Variants in DENND2B observed in about 807,000 individuals in gnomAD.
The protein encoded by DENND2B is DENN domain containing 2B.
Under a neutral mutation model 116.0 loss-of-function variants are expected in DENND2B, and 32 were observed. The observed-to-expected ratio is 0.28, with a 90% CI of 0.21 to 0.37. The LOEUF (loss-of-function observed/expected upper bound fraction) is 0.37, where lower values mean the gene tolerates loss of function less well. Among genes scored for constraint, DENND2B ranks in the 10% least tolerant of loss-of-function variants. The pLI is 1.00. For missense variants in DENND2B, 1,276 were observed against 1,477.7 expected (o/e 0.86, Z 2.24); for synonymous variants, 588 against 583.9 (o/e 1.01, Z -0.10).
chr11:8,745,490 A>T (rs2051072220), intron 2 of DENND2B, among the ~76,000 whole-genome samples: 1 of 152,240 alleles, frequency 6.6e-6, no homozygotes, highest in Non-Finnish European at 1.5e-5. Context: ...AATTGTTGCA[A>T]TCAGAGGGCA....
At chr11:8,852,952 C>T (rs1239674439) in intron 3 of DENND2B, among the ~76,000 whole-genome samples, 4 of 152,116 alleles carry the variant, frequency 2.6e-5, no homozygotes, top group South Asian at 2.1e-4. Flanking sequence ...AATTAAACTT[C>T]GTGATTAAAA....
Position 8,697,653 on chromosome 11 carries a change from GCA to G in DENND2B, c.2941-19_2941-18del, listed in dbSNP as rs747066712. On this transcript the variant is annotated intron_variant, in intron 16 of 19. Transcript: ENST00000313726. ...GTCGTCCATCTGCAGGAGAAAGAAAGCACAGTGACAATCATAGCTGACACTGA... is the reference window on the plus strand; with the variant it reads ...GTCGTCCATCTGCAGGAGAAAGAAAGCAGTGACAATCATAGCTGACACTGA... The G allele has an allele frequency of 6.4e-7, 1 of 1,568,576 alleles. No individual in the cohort carries two copies. The highest frequency in any genetic ancestry group is 1.1e-5 in the South Asian group (1 of 90,218).
intron 1 of DENND2B, among the ~76,000 whole-genome samples, chr11:8,751,644 G>A (rs1302545456): frequency 6.6e-6 from 1 of 152,092 alleles, no homozygotes; most frequent in Non-Finnish European, 1.5e-5. Context: ...TTTAAGAACT[G>A]TAACACTCAC....
chr11:8,845,071 C>A (rs1243634264), intron 3 of DENND2B, among the ~76,000 whole-genome samples: 1 of 152,014 alleles, frequency 6.6e-6, no homozygotes, highest in African/African-American at 2.4e-5. Flanking sequence ...AAAAAAAATT[C>A]TTCTTCTGGA....
intron 1 of DENND2B, among the ~76,000 whole-genome samples, chr11:8,888,027 G>A (rs2063981746): frequency 6.6e-6 from 1 of 152,206 alleles, no homozygotes; most frequent in Admixed American, 6.5e-5. Flanking sequence ...GCATTCTGGT[G>A]GAGTAGGAAG....
chr11:8,857,131 TATC>T (rs1488861647), intron 3 of DENND2B, among the ~76,000 whole-genome samples: 1 of 152,100 alleles, frequency 6.6e-6, no homozygotes, highest in Non-Finnish European at 1.5e-5. Flanking sequence ...TTAGAAGAAT[TATC>T]ATCTGGATAC....
rs11042117 is a variant in DENND2B, at chr11:8,906,956, C to T, written c.-256+3865G>A. 9.9e-3 allele frequency among the ~76,000 whole-genome samples: 1,502 copies of T among 152,248 alleles called. 22 individuals are homozygous for T. Among genetic ancestry groups the T allele is most frequent in the African/African-American group, 0.035 (1,441 of 41,548 alleles). On this transcript the variant is annotated intron_variant, in intron 1 of 22. Coordinates refer to the DENND2B transcript ENST00000534127. ...ATCACTGTCTAACTCTGGCACAGTACCCACTTTTGCATCCTGGGTTTTTAA... is the reference window on the plus strand; with the variant it reads ...ATCACTGTCTAACTCTGGCACAGTATCCACTTTTGCATCCTGGGTTTTTAA...
intron 3 of DENND2B, among the ~76,000 whole-genome samples, chr11:8,842,114 C>G (rs1220446874): frequency 6.6e-6 from 1 of 152,190 alleles, no homozygotes; most frequent in Non-Finnish European, 1.5e-5. Flanking sequence ...AATCCGTTCA[C>G]GAAAGTATCA....
chr11:8,810,804 C>CTG (rs2061329178), upstream of DENND2B: 1 of 147,090 alleles, frequency 6.8e-6, no homozygotes, highest in Admixed American at 6.8e-5. Context: ...TTCTTTCTCA[C>CTG]TGTCTCTCTC....
intron 1 of DENND2B, among the ~76,000 whole-genome samples, chr11:8,803,903 G>T (rs1471386651): frequency 6.6e-6 from 1 of 152,204 alleles, no homozygotes; most frequent in African/African-American, 2.4e-5. Flanking sequence ...AAGGAGGGCT[G>T]AGGCAGAGGC....
At position 8,750,635 on chromosome 11, in the gene DENND2B, C is replaced by T. The variant is rs757783668; in HGVS notation, c.66G>A (p.Arg22=). Residue 22 remains arginine, a synonymous_variant, in exon 2 of 20, where the codon CGG becomes CGA. Coordinates refer to ENST00000313726, the MANE Select transcript of DENND2B (RefSeq NM_213618.2). The part of the protein sequence containing the change: ...THGAGGTKAP[R]GTLSRSQSVS... ...CCCTTACCCACCTGCTCAGAGTCCCCCGAGGGGCTTTAGTGCCACCAGCTC... is the reference window on the plus strand; with the variant it reads ...CCCTTACCCACCTGCTCAGAGTCCCTCGAGGGGCTTTAGTGCCACCAGCTC... 6.2e-7 allele frequency: 1 copy of T among 1,614,136 alleles called. No individual in the cohort carries two copies. The highest frequency in any genetic ancestry group is 1.1e-5 in the South Asian group (1 of 91,078).
chr11:8,848,982 CCAT>C (rs1453242875), intron 3 of DENND2B, among the ~76,000 whole-genome samples: 1 of 151,810 alleles, frequency 6.6e-6, no homozygotes, highest in African/African-American at 2.4e-5. Flanking sequence ...ACAGGTACTG[CCAT>C]TACTGCTGTT....
chr11:8,796,554 C>CG (rs2059832001), intron 1 of DENND2B, among the ~76,000 whole-genome samples: 1 of 152,112 alleles, frequency 6.6e-6, no homozygotes, highest in Non-Finnish European at 1.5e-5. Flanking sequence ...AAAGAAGTAT[C>CG]AACCCATAGA....
At chr11:8,797,847 C>A (rs1321503962) in intron 1 of DENND2B, among the ~76,000 whole-genome samples, 1 of 152,140 alleles carries the variant, frequency 6.6e-6, no homozygotes, top group South Asian at 2.1e-4. Context: ...CACCATCCTC[C>A]ACCCCGACAC....
chr11:8,767,715 G>C (rs1431443406), intron 1 of DENND2B, among the ~76,000 whole-genome samples: 1 of 152,124 alleles, frequency 6.6e-6, no homozygotes, highest in Non-Finnish European at 1.5e-5. Context: ...TTACATGCTG[G>C]GAATACCACA....
chr11:8,868,893 T>C (rs535585533), intron 2 of DENND2B, among the ~76,000 whole-genome samples: 2 of 152,360 alleles, frequency 1.3e-5, no homozygotes, highest in African/African-American at 4.8e-5. Context: ...TAAGCCAAGT[T>C]TGTCCAACCT....
Position 8,793,731 on chromosome 11 carries a change from G to C in DENND2B, c.-26+16786C>G, listed in dbSNP as rs114040529. On this transcript the variant is annotated intron_variant, in intron 1 of 19. Coordinates refer to ENST00000313726, the MANE Select transcript of DENND2B (RefSeq NM_213618.2). ...AATTATTTTGGGCATATACCTAGGAGTGGAATTGCTGGGTCATATGGCAAT... is the reference window on the plus strand; with the variant it reads ...AATTATTTTGGGCATATACCTAGGACTGGAATTGCTGGGTCATATGGCAAT... Among the ~76,000 whole-genome samples, 1,444 of 152,288 alleles carry C rather than the reference G, an allele frequency of 9.5e-3. 26 individuals are homozygous for C. The highest frequency in any genetic ancestry group is 0.033 in the African/African-American group (1,381 of 41,562).
At chr11:8,892,352 C>A (rs542905122) in intron 1 of DENND2B, among the ~76,000 whole-genome samples, 1 of 152,100 alleles carries the variant, frequency 6.6e-6, no homozygotes, top group South Asian at 2.1e-4. Context: ...AAAGCAAGAG[C>A]AAACACATTC....
chr11:8,732,689 T>C (rs1240652769), intron 2 of DENND2B, among the ~76,000 whole-genome samples: 1 of 152,260 alleles, frequency 6.6e-6, no homozygotes, highest in Non-Finnish European at 1.5e-5. Flanking sequence ...GCATACTTCC[T>C]CTTGGGCACA....
Sources: allele counts gnomAD v4.1 joint callset (sites outside exome capture counted in the v4.1 genomes callset), GRCh38; gene constraint gnomAD v4.1.1; transcripts MANE v1.5; gene names NCBI Gene and HGNC (gene_info 2026-07-23, HGNC 2026-07-21).